ZNF423: variants seen among roughly 807,000 people sequenced by gnomAD.
ZNF423 encodes the protein Ebf-associated zinc finger protein.
ZNF423 carries 12 observed loss-of-function variants against 95.8 expected under a neutral mutation model. That is an observed-to-expected ratio of 0.13 (90% CI 0.08 to 0.20). The LOEUF (loss-of-function observed/expected upper bound fraction) is 0.20. Ranked by LOEUF, ZNF423 falls within the 10% of genes least tolerant of loss-of-function variation. The probability of loss-of-function intolerance (pLI) is 1.00; values close to 1 mark genes in which losing one functional copy is unlikely to be tolerated. For missense variants in ZNF423, 1,316 were observed against 1,737.1 expected, an observed-to-expected ratio of 0.76 and a Z score of 4.31; for synonymous variants, 749 against 711.9, an observed-to-expected ratio of 1.05 and a Z score of -0.83.
intron 5 of ZNF423, among the ~76,000 whole-genome samples, chr16:49,620,174 A>C (rs1045548790): frequency 4.7e-5 from 7 of 149,004 alleles, no homozygotes; most frequent in African/African-American, 1.2e-4. Flanking sequence ...ACACACACAC[A>C]ACACACACAT....
At position 49,805,186 on chromosome 16, in the gene ZNF423, C is replaced by T. The variant is rs1049715974; in HGVS notation, c.41-15640G>A. 2.6e-5 allele frequency among the ~76,000 whole-genome samples: 4 copies of T among 152,132 alleles called. No individual in the cohort carries two copies. The East Asian group carries it at 7.7e-4, about 29-fold the overall frequency. On this transcript the variant is annotated intron_variant, in intron 1 of 7. Transcript: ENST00000563137. ...AAGATCCCACAGCATTATATGTTGCCCACAACCATACTCTCAGCCCCTTTA... is the reference window on the plus strand; with the variant it reads ...AAGATCCCACAGCATTATATGTTGCTCACAACCATACTCTCAGCCCCTTTA...
chr16:49,512,586 T>A (rs956731158), intron 7 of ZNF423, among the ~76,000 whole-genome samples: 1 of 152,248 alleles, frequency 6.6e-6, no homozygotes, highest in Non-Finnish European at 1.5e-5. Flanking sequence ...CAGGCTGTGC[T>A]GGGCTCTGGT....
intron 1 of ZNF423, among the ~76,000 whole-genome samples, chr16:49,838,926 C>A (rs1170180349): frequency 2.0e-5 from 3 of 151,922 alleles, no homozygotes; most frequent in African/African-American, 7.2e-5. Flanking sequence ...GGGGCCGCCC[C>A]CGCGGGCCGG....
chr16:49,714,981 G>A (rs951279051), intron 3 of ZNF423, among the ~76,000 whole-genome samples: 1 of 152,106 alleles, frequency 6.6e-6, no homozygotes, highest in South Asian at 2.1e-4. Context: ...CCGAGGAGAC[G>A]GCCCAGCTGC....
intron 5 of ZNF423, 134 bp downstream of exon 5, chr16:49,626,036 C>T: frequency 1.2e-6 from 1 of 809,388 alleles, no homozygotes; most frequent in Admixed American, 2.1e-5. Flanking sequence ...TTTTCACTCC[C>T]ATGTGCAATG....
At position 49,637,717 on chromosome 16, in the gene ZNF423, C is replaced by T. The variant is rs763675078; in HGVS notation, c.1459G>A (p.Ala487Thr). The T allele has an allele frequency of 5.8e-5, 94 of 1,614,036 alleles. No homozygotes were observed. Among genetic ancestry groups the T allele is most frequent in the Non-Finnish European group, 7.5e-5 (89 of 1,180,050 alleles). The change falls in exon 4 of 8, where the codon GCC becomes ACC. Residue 487 changes from alanine to threonine, a missense_variant. Physicochemically the swap from Ala to Thr is moderately conservative, Grantham distance 58. Around this residue, in one of 6 missense-constraint regions of ZNF423, gnomAD observed 399 missense variants for 478.5 expected, o/e 0.83. Transcript: ENST00000563137. This position sits in a 1 kb window ranked among gnomAD's most constrained non-coding sequence, Gnocchi z 5.6. The part of the protein sequence containing the change: ...YPVMQFGNIS[A>T]FHCNYCPEMF... ...TCGGGGCAGTAGTTGCAGTGGAAGG[C>T]AGAGATGTTGCCAAACTGCATCACA...
chr16:49,588,154 C>T (rs1051479046), intron 5 of ZNF423, among the ~76,000 whole-genome samples: 28 of 152,190 alleles, frequency 1.8e-4, no homozygotes, highest in African/African-American at 6.5e-4. Flanking sequence ...TATTCCAAGC[C>T]TAGGGTGGAG....
chr16:49,760,692 G>A (rs1390416847), intron 2 of ZNF423, among the ~76,000 whole-genome samples: 3 of 152,026 alleles, frequency 2.0e-5, no homozygotes, highest in Non-Finnish European at 4.4e-5. Flanking sequence ...AACTCGAACT[G>A]AGCAGAGAAT....
intron 2 of ZNF423, among the ~76,000 whole-genome samples, chr16:49,763,869 C>T (rs147157542): frequency 9.8e-5 from 15 of 152,308 alleles, no homozygotes; most frequent in African/African-American, 3.6e-4. Flanking sequence ...TTCCTTCCCA[C>T]CATTTGCTGG....
At chr16:49,738,347 G>A (rs557029613) in intron 2 of ZNF423, among the ~76,000 whole-genome samples, 124 of 152,310 alleles carry the variant, frequency 8.1e-4, no homozygotes, top group African/African-American at 2.9e-3. Context: ...ATCCAGGGCT[G>A]GGGCTGGTCG....
At position 49,638,914 on chromosome 16, in the gene ZNF423, A is replaced by G; in HGVS notation, c.302-40T>C. The G allele has an allele frequency of 6.4e-7, 1 of 1,551,928 alleles. No individual in the cohort carries two copies. Among genetic ancestry groups the G allele is most frequent in the Non-Finnish European group, 8.7e-7 (1 of 1,147,488 alleles). On this transcript the variant is annotated intron_variant, in intron 3 of 7. Coordinates refer to ENST00000563137, the MANE Select transcript of ZNF423 (RefSeq NM_001379286.1). The surrounding 1 kb of genome is among the most constrained non-coding windows in gnomAD (Gnocchi z 5.6). ...AGAGAGGATATTAGAGGCAATTCCCAGGGCTGCCGAGAAACAAGGACAGAG... is the reference window on the plus strand; with the variant it reads ...AGAGAGGATATTAGAGGCAATTCCCGGGGCTGCCGAGAAACAAGGACAGAG...
intron 2 of ZNF423, among the ~76,000 whole-genome samples, chr16:49,781,535 G>A (rs1285581883): frequency 6.6e-6 from 1 of 152,196 alleles, no homozygotes; most frequent in Non-Finnish European, 1.5e-5. Flanking sequence ...GCGCAGGGGT[G>A]TGGGTGGAGT....
At chr16:49,537,713 T>C (rs563668774) in intron 5 of ZNF423, among the ~76,000 whole-genome samples, 1 of 152,244 alleles carries the variant, frequency 6.6e-6, no homozygotes, top group African/African-American at 2.4e-5. Context: ...ACCTCTCCCC[T>C]TCCTTCACTC....
chr16:49,655,369 C>G (rs188531749), intron 3 of ZNF423, among the ~76,000 whole-genome samples: 2 of 152,322 alleles, frequency 1.3e-5, no homozygotes, highest in Admixed American at 1.3e-4. Flanking sequence ...TCCCATAACT[C>G]CAGGTCTGCG....
At position 49,638,305 on chromosome 16, in the gene ZNF423, G is replaced by C; in HGVS notation, c.871C>G (p.Leu291Val). Residue 291 changes from leucine (L) to valine (V), a missense_variant, in exon 4 of 8, where the codon CTC becomes GTC. This residue lies in a region of ZNF423 where 399 missense variants were observed against 478.5 expected (regional missense o/e 0.83). Coordinates refer to ENST00000563137, the MANE Select transcript of ZNF423 (RefSeq NM_001379286.1). This position sits in a 1 kb window ranked among gnomAD's most constrained non-coding sequence, Gnocchi z 5.6. ...SQTEELEKHV[L>V]TRHPQLSEKA... ...TCGGACAGCTGCGGGTGGCGGGTGA[G>C]CACGTGCTTCTCCAGCTCCTCCGTC... 6.2e-7 allele frequency: 1 copy of C among 1,613,886 alleles called. No individual in the cohort carries two copies. The highest frequency in any genetic ancestry group is 8.5e-7 in the Non-Finnish European group (1 of 1,180,034).
At chr16:49,493,877 AC>A (rs1297961745) in intron 7 of ZNF423, among the ~76,000 whole-genome samples, 1 of 152,230 alleles carries the variant, frequency 6.6e-6, no homozygotes, top group Non-Finnish European at 1.5e-5. Context: ...GCTGGTGGGC[AC>A]ATGGCCTACG....
intron 3 of ZNF423, among the ~76,000 whole-genome samples, chr16:49,730,051 A>T (rs1182176485): frequency 1.3e-5 from 2 of 152,124 alleles, no homozygotes; most frequent in Admixed American, 6.5e-5. Context: ...AGAGCCCAGA[A>T]ATGTGTCATC....
At chr16:49,583,998 C>T (rs1970747587) in intron 5 of ZNF423, among the ~76,000 whole-genome samples, 1 of 152,166 alleles carries the variant, frequency 6.6e-6, no homozygotes, top group South Asian at 2.1e-4. Context: ...CCAGCCAGGC[C>T]TAGAAGATGC....
At chr16:49,797,434 A>G (rs868258893) in intron 1 of ZNF423, among the ~76,000 whole-genome samples, 1 of 152,354 alleles carries the variant, frequency 6.6e-6, no homozygotes, top group Middle Eastern at 3.4e-3. Flanking sequence ...TCACTTTTCT[A>G]CAGCCCAAGA....
Sources: gnomAD v4.1 joint callset for allele counts (sites outside exome capture counted in the v4.1 genomes callset) on GRCh38, gnomAD v4.1.1 for gene constraint, gnomAD v4.1.1 regional missense constraint, Gnocchi (gnomAD v3.1) non-coding constraint, MANE v1.5 for transcripts, NCBI Gene and HGNC (gene_info 2026-07-23, HGNC 2026-07-21) for gene names.